TSFM: variants seen among roughly 807,000 people sequenced by gnomAD.
TSFM encodes Ts translation elongation factor, mitochondrial.
A neutral mutation model predicts 33.4 loss-of-function variants in TSFM; 29 were observed. The observed-to-expected ratio is 0.87, with a 90% CI of 0.65 to 1.18. The LOEUF (loss-of-function observed/expected upper bound fraction) is 1.18, where lower values mean the gene tolerates loss of function less well. Ranked by LOEUF, TSFM falls within the 50% of genes most tolerant of loss-of-function variation. The pLI is 0.00. For synonymous variants in TSFM, 178 were observed against 163.5 expected (o/e 1.09, Z -0.68); for missense variants, 394 against 395.6 (o/e 1.00, Z 0.04).
At chr12:57,802,333 CA>C (rs1422463801), downstream of TSFM, 1 of 1,612,022 alleles carries the variant, frequency 6.2e-7, no homozygotes, top group Admixed American at 1.7e-5. Flanking sequence ...GCCTCAGCCC[CA>C]ATCCACAAGA....
chr12:57,788,433 C>T (rs571993967), intron 4 of TSFM, among the ~76,000 whole-genome samples: 1 of 152,034 alleles, frequency 6.6e-6, no homozygotes, highest in East Asian at 1.9e-4. Context: ...CCCGCCACCA[C>T]ACACGCCTAG....
intron 4 of TSFM, 80 bp downstream of exon 4, chr12:57,787,242 C>T (rs1480198857): frequency 7.5e-7 from 1 of 1,342,018 alleles, no homozygotes; most frequent in Non-Finnish European, 1.0e-6. Context: ...TAGACATTCT[C>T]ATGTCTCATT....
At chr12:57,794,423 A>C (rs1274166726) in intron 5 of TSFM, among the ~76,000 whole-genome samples, 1 of 152,212 alleles carries the variant, frequency 6.6e-6, no homozygotes, top group African/African-American at 2.4e-5. Flanking sequence ...AAAGGGGAAA[A>C]ATAAGTTAAA....
At chr12:57,795,660 G>A (rs1347439805) in intron 5 of TSFM, among the ~76,000 whole-genome samples, 1 of 151,948 alleles carries the variant, frequency 6.6e-6, no homozygotes, top group East Asian at 1.9e-4. Flanking sequence ...TTGTTCCCAG[G>A]ATGGACTGCA....
chr12:57,799,998 AT>A (rs1955815067), downstream of TSFM: 1 of 1,547,276 alleles, frequency 6.5e-7, no homozygotes, highest in African/African-American at 1.4e-5. Context: ...TGTGTATAAT[AT>A]TTAACATTTT....
At chr12:57,793,555 G>A (rs574173985) in intron 5 of TSFM, among the ~76,000 whole-genome samples, 1 of 152,294 alleles carries the variant, frequency 6.6e-6, no homozygotes, top group South Asian at 2.1e-4. Context: ...ATACGCTGCT[G>A]GAGGAAGTCC....
chr12:57,785,197 A>T (rs1955575014), intron 2 of TSFM, among the ~76,000 whole-genome samples: 1 of 152,122 alleles, frequency 6.6e-6, no homozygotes, highest in African/African-American at 2.4e-5. Flanking sequence ...AAGTGTCGGG[A>T]TTACAGGCGT....
Position 57,782,871 on chromosome 12 carries a change from G to T in TSFM, c.57+13G>T. ...CGGGAGCTACCCGGTGAGAAGTCCT[G>T]GTGCTGGTACCGACCTGCTGTCCCT... On this transcript the variant is annotated intron_variant, in intron 1 of 5. Coordinates refer to ENST00000652027, the MANE Select transcript of TSFM (RefSeq NM_005726.6). 1 of 1,589,454 alleles carries T rather than the reference G, an allele frequency of 6.3e-7. No individual in the cohort carries two copies. Among genetic ancestry groups the T allele is most frequent in the Non-Finnish European group, 8.6e-7 (1 of 1,168,728 alleles).
chr12:57,783,372 G>GCTCTT (rs1955540633), intron 2 of TSFM, 89 bp downstream of exon 2: 1 of 1,473,348 alleles, frequency 6.8e-7, no homozygotes, highest in African/African-American at 1.4e-5. Flanking sequence ...AAGTTAGACT[G>GCTCTT]CTCTTCAGTG....
Position 57,783,174 on chromosome 12 carries a change from C to G in TSFM, c.122C>G (p.Ser41Cys). Residue 41 changes from serine to cysteine, a missense_variant, in exon 2 of 6, where the codon TCT becomes TGT. Ser to Cys is a moderately radical substitution (Grantham distance 112). Transcript: ENST00000652027. ...RHTFYAGPRLSASASSKELLM... is the reference protein window; with the variant it reads ...RHTFYAGPRLCASASSKELLM... ...ACATTTTATGCTGGGCCCCGTCTGT[C>G]TGCCTCGGCCTCCAGCAAGGAGCTC... The G allele has an allele frequency of 6.2e-7, 1 of 1,613,590 alleles. No individual in the cohort carries two copies. The highest frequency in any genetic ancestry group is 1.6e-4 in the Middle Eastern group (1 of 6,062).
At chr12:57,783,719 G>C (rs927312162) in intron 2 of TSFM, 1 of 580,454 alleles carries the variant, frequency 1.7e-6, no homozygotes, top group African/African-American at 1.9e-5. Context: ...TCAGCCTCCT[G>C]AGTAGTTGGG....
At position 57,796,847 on chromosome 12, in the gene TSFM, G is replaced by C. The variant is rs1052617903; in HGVS notation, c.*264G>C. The C allele has an allele frequency of 1.8e-6, 2 of 1,110,346 alleles. No homozygotes were observed. The highest frequency in any genetic ancestry group is 3.2e-5 in the African/African-American group (2 of 61,692). 68.8% of individuals were successfully genotyped at this position (1,110,346 alleles called of 1,614,324 possible). A position where few individuals can be genotyped will look rare whatever the true frequency, so the allele number is the denominator to read the frequency against. On this transcript the variant is annotated 3_prime_UTR_variant, in exon 6 of 6. Coordinates refer to ENST00000652027, the MANE Select transcript of TSFM (RefSeq NM_005726.6). ...CAATACTGCTGCTCCCTTCAACATA[G>C]ATTTATTATGGTATTTCTGAAATTT...
intron 5 of TSFM, among the ~76,000 whole-genome samples, chr12:57,794,854 G>A (rs1028149519): frequency 2.0e-5 from 3 of 152,084 alleles, no homozygotes; most frequent in African/African-American, 7.2e-5. Flanking sequence ...CTGCCTCCCG[G>A]GCTCACGCCA....
chr12:57,784,889 A>G (rs1452707852), intron 2 of TSFM, among the ~76,000 whole-genome samples: 1 of 151,670 alleles, frequency 6.6e-6, no homozygotes, highest in Non-Finnish European at 1.5e-5. Flanking sequence ...TCAAAAAAAA[A>G]AACAACAACT....
At chr12:57,801,664 C>A (rs1000898397), downstream of TSFM, among the ~76,000 whole-genome samples, 41 of 152,012 alleles carry the variant, frequency 2.7e-4, no homozygotes, top group African/African-American at 9.7e-4. Context: ...TGCTTGAACC[C>A]AGGAGGTAGA....
intron 5 of TSFM, among the ~76,000 whole-genome samples, chr12:57,794,498 A>G (rs1274271413): frequency 6.6e-6 from 1 of 152,206 alleles, no homozygotes; most frequent in East Asian, 1.9e-4. Flanking sequence ...GATGAGAGGA[A>G]ATTGAAACTA....
At chr12:57,797,813 A>G, downstream of TSFM, 1 of 1,233,490 alleles carries the variant, frequency 8.1e-7, no homozygotes, top group Non-Finnish European at 1.1e-6. Context: ...TTGGTGGATA[A>G]ATTATTTCCT....
At chr12:57,793,675 T>G (rs974125216) in intron 5 of TSFM, among the ~76,000 whole-genome samples, 1 of 152,210 alleles carries the variant, frequency 6.6e-6, no homozygotes, top group African/African-American at 2.4e-5. Flanking sequence ...ATCTCACGGA[T>G]TTTGGCTGTT....
At chr12:57,784,292 G>A (rs1955559188) in intron 2 of TSFM, 2 of 599,460 alleles carry the variant, frequency 3.3e-6, no homozygotes, top group East Asian at 2.9e-5. Context: ...GTTGCTCTGG[G>A]TGAGTCAGTG....
Sources: gnomAD v4.1 joint callset for allele counts (sites outside exome capture counted in the v4.1 genomes callset) on GRCh38, gnomAD v4.1.1 for gene constraint, MANE v1.5 for transcripts, NCBI Gene and HGNC (gene_info 2026-07-23, HGNC 2026-07-21) for gene names.